EYS: variants seen among roughly 807,000 people sequenced by gnomAD.
EYS encodes protein eyes shut homolog.
A neutral mutation model predicts 282.1 loss-of-function variants in EYS; 250 were observed. The ratio of observed to expected loss-of-function variants is 0.89; its 90% CI spans 0.80 to 0.98. EYS has a LOEUF of 0.98. Among genes scored for constraint, EYS ranks in the 50% least tolerant of loss-of-function variants. The pLI is 0.00. For missense variants in EYS, 4,016 were observed against 3,709.0 expected, an observed-to-expected ratio of 1.08 and a Z score of -2.15; for synonymous variants, 1,355 against 1,282.9, an observed-to-expected ratio of 1.06 and a Z score of -1.20.
At chr6:65,602,454 T>C (rs1357347587) in intron 2 of EYS, among the ~76,000 whole-genome samples, 1 of 151,974 alleles carries the variant, frequency 6.6e-6, no homozygotes, top group African/African-American at 2.4e-5. Context: ...AAATAATGTA[T>C]AATTCCACAA....
At chr6:65,405,467 GT>G (rs1269835746) in intron 5 of EYS, 100 bp from the exon 6 acceptor site, 1 of 936,224 alleles carries the variant, frequency 1.1e-6, no homozygotes, top group Non-Finnish European at 1.7e-6. Flanking sequence ...TTTCTCTAGA[GT>G]TTATGAAATA....
intron 26 of EYS, among the ~76,000 whole-genome samples, chr6:64,447,704 T>A (rs564928006): frequency 1.3e-5 from 2 of 152,172 alleles, no homozygotes; most frequent in Non-Finnish European, 2.9e-5. Flanking sequence ...TTGCAGAGAC[T>A]CCTCAATGTG....
At chr6:65,043,988 T>A (rs1490716047) in intron 13 of EYS, among the ~76,000 whole-genome samples, 1 of 151,754 alleles carries the variant, frequency 6.6e-6, no homozygotes, top group Non-Finnish European at 1.5e-5. Context: ...TTTACTAATT[T>A]ACATTCTCAG....
chr6:64,151,722 C>T (rs964237517), intron 31 of EYS, among the ~76,000 whole-genome samples: 1 of 151,970 alleles, frequency 6.6e-6, no homozygotes, highest in African/African-American at 2.4e-5. Flanking sequence ...TGACTATATA[C>T]TTGTATTTCA....
At chr6:64,406,514 A>C (rs1412342661) in intron 28 of EYS, among the ~76,000 whole-genome samples, 1 of 152,204 alleles carries the variant, frequency 6.6e-6, no homozygotes, top group Non-Finnish European at 1.5e-5. Context: ...CTATCATCAG[A>C]GTAAACAGGC....
intron 35 of EYS, among the ~76,000 whole-genome samples, chr6:63,978,362 T>G (rs1766940227): frequency 6.6e-6 from 1 of 151,940 alleles, no homozygotes; most frequent in Admixed American, 6.6e-5. Flanking sequence ...GAGAATAATC[T>G]AACTAAATAT....
chr6:64,182,884 C>G (rs1764828775), intron 31 of EYS, among the ~76,000 whole-genome samples: 2 of 152,068 alleles, frequency 1.3e-5, no homozygotes, highest in African/African-American at 4.8e-5. Context: ...CCTGGCTGCC[C>G]CTCAGGCATC....
intron 2 of EYS, among the ~76,000 whole-genome samples, chr6:65,636,955 G>A (rs1193063017): frequency 6.6e-6 from 1 of 152,066 alleles, no homozygotes; most frequent in African/African-American, 2.4e-5. Context: ...GGGACTACCA[G>A]TTTACACCAC....
Position 63,859,075 on chromosome 6 carries a change from GTTTTTTTT to G in EYS, c.7228+5103_7228+5110del, listed in dbSNP as rs745344580. ...TTGATTTCCATTGATGTCCTAGAGAGTTTTTTTTTTTTTTTTTTTTTTTTTTTTTTTTT... is the reference window on the plus strand; with the variant it reads ...TTGATTTCCATTGATGTCCTAGAGAGTTTTTTTTTTTTTTTTTTTTTTTTT... On this transcript the variant is annotated intron_variant, in intron 36 of 42. Transcript: ENST00000503581. Among the ~76,000 whole-genome samples the G allele has an allele frequency of 7.3e-4, 35 of 47,930 alleles. 1 individual carries two copies. The highest frequency in any genetic ancestry group is 0.015 in the Middle Eastern group (1 of 68). 31.4% of individuals were successfully genotyped at this position (47,930 alleles called of 152,430 possible).
intron 7 of EYS, among the ~76,000 whole-genome samples, 200 bp downstream of exon 7, chr6:65,402,278 T>A (rs1315376787): frequency 6.6e-6 from 1 of 151,818 alleles, no homozygotes; most frequent in Non-Finnish European, 1.5e-5. Context: ...AATTTCTCAA[T>A]TTCTCAAATA....
In EYS at chr6:65,579,593, C is replaced by A. The variant is rs143509703; in HGVS notation, c.-333+60185G>T. ...GCCTCTCTTTCTTCCTTGCAGATGACCATCTTCTCCATGAGGCCCCACGTG... is the reference window on the plus strand; with the variant it reads ...GCCTCTCTTTCTTCCTTGCAGATGAACATCTTCTCCATGAGGCCCCACGTG... On this transcript the variant is annotated intron_variant, in intron 2 of 42. Transcript: ENST00000503581. Among the ~76,000 whole-genome samples the A allele has an allele frequency of 5.5e-4, 83 of 152,050 alleles. 1 individual carries two copies. Among genetic ancestry groups the A allele is most frequent in the African/African-American group, 1.9e-3 (79 of 41,462 alleles).
chr6:64,236,524 T>A (rs1766612069), intron 30 of EYS, among the ~76,000 whole-genome samples: 1 of 152,144 alleles, frequency 6.6e-6, no homozygotes, highest in South Asian at 2.1e-4. Flanking sequence ...GGCTTCACCG[T>A]TTTACATTTC....
intron 31 of EYS, among the ~76,000 whole-genome samples, chr6:64,161,627 A>C (rs1040688513): frequency 6.6e-6 from 1 of 152,320 alleles, no homozygotes; most frequent in South Asian, 2.1e-4. Context: ...CACTGGGGAT[A>C]ATGAGTCACC....
chr6:64,420,022 A>T (rs1561984638), intron 28 of EYS, among the ~76,000 whole-genome samples: 1 of 152,142 alleles, frequency 6.6e-6, no homozygotes, highest in African/African-American at 2.4e-5. Context: ...CCTGAAGCAA[A>T]CTTCTGCCTA....
chr6:63,816,074 C>G (rs982876041), intron 36 of EYS, among the ~76,000 whole-genome samples: 1 of 152,086 alleles, frequency 6.6e-6, no homozygotes, highest in Non-Finnish European at 1.5e-5. Context: ...GACCACAACA[C>G]CACATGATGT....
chr6:64,745,554 AAC>A (rs1413652627), intron 22 of EYS, among the ~76,000 whole-genome samples: 1 of 152,190 alleles, frequency 6.6e-6, no homozygotes, highest in African/African-American at 2.4e-5. Flanking sequence ...TTACTCATTA[AAC>A]AGTTACTTAA....
At chr6:64,112,398 A>G (rs1043759141) in intron 31 of EYS, among the ~76,000 whole-genome samples, 1 of 151,972 alleles carries the variant, frequency 6.6e-6, no homozygotes, top group Non-Finnish European at 1.5e-5. Context: ...GTTTGTATAT[A>G]TGTATTTTTT....
At chr6:64,474,045 T>C (rs1184391013) in intron 26 of EYS, among the ~76,000 whole-genome samples, 2 of 152,188 alleles carry the variant, frequency 1.3e-5, no homozygotes, top group Non-Finnish European at 2.9e-5. Flanking sequence ...CCATTTTTAG[T>C]TCCCCAACCT....
At chr6:64,147,758 T>C (rs1298285838) in intron 31 of EYS, among the ~76,000 whole-genome samples, 1 of 152,184 alleles carries the variant, frequency 6.6e-6, no homozygotes, top group East Asian at 1.9e-4. Flanking sequence ...TGCTCACTTT[T>C]CCAGCCTTCT....
Sources: gnomAD v4.1 joint callset for allele counts (sites outside exome capture counted in the v4.1 genomes callset) on GRCh38, gnomAD v4.1.1 for gene constraint, MANE v1.5 for transcripts, NCBI Gene and HGNC (gene_info 2026-07-23, HGNC 2026-07-21) for gene names.